PDZD2: variants seen among roughly 807,000 people sequenced by gnomAD.
PDZD2 encodes the protein PDZ domain containing 2.
PDZD2 carries 90 observed loss-of-function variants against 220.7 expected under a neutral mutation model. The observed-to-expected ratio is 0.41, with a 90% CI of 0.34 to 0.49. The LOEUF is 0.49. Ranked by LOEUF, PDZD2 falls within the 20% of genes least tolerant of loss-of-function variation. PDZD2 has a pLI of 0.28. For synonymous variants in PDZD2, 1,375 were observed against 1,450.5 expected (o/e 0.95, Z 1.18); for missense variants, 3,174 against 3,608.5 (o/e 0.88, Z 3.08).
At chr5:31,773,827 G>A (rs1203723306) in intron 1 of PDZD2, among the ~76,000 whole-genome samples, 2 of 152,134 alleles carry the variant, frequency 1.3e-5, no homozygotes, top group African/African-American at 2.4e-5. Flanking sequence ...CTGGGACCGT[G>A]TTTACATATT....
At chr5:31,642,156 A>G (rs1244545478) in intron 1 of PDZD2, among the ~76,000 whole-genome samples, 3 of 152,218 alleles carry the variant, frequency 2.0e-5, no homozygotes, top group African/African-American at 7.2e-5. Context: ...ACAAGGGGAC[A>G]AATTCCAAAG....
At position 32,002,895 on chromosome 5, in the gene PDZD2, A is replaced by ACACACACAC. The variant is rs1299444374; in HGVS notation, c.1254+2631_1254+2632insACCACACAC. Among the ~76,000 whole-genome samples the ACACACACAC allele has an allele frequency of 7.0e-3, 12 of 1,726 alleles. 1 individual carries two copies. In the South Asian group the frequency reaches 0.19, roughly 28 times the overall value. 1.1% of individuals were successfully genotyped at this position (1,726 alleles called of 152,430 possible). On this transcript the variant is annotated intron_variant, in intron 5 of 24. Coordinates refer to ENST00000438447, the MANE Select transcript of PDZD2 (RefSeq NM_178140.4). ...TACCACACACACACCACACACACCAACACACACCCCCACCACACACACACC... is the reference window on the plus strand; with the variant it reads ...TACCACACACACACCACACACACCAACACACACACCACACACCCCCACCACACACACACC...
At chr5:31,872,889 A>G (rs1259043692) in intron 2 of PDZD2, among the ~76,000 whole-genome samples, 1 of 152,196 alleles carries the variant, frequency 6.6e-6, no homozygotes, top group Non-Finnish European at 1.5e-5. Context: ...ATACAAAAAA[A>G]CCTGCTAATG....
intron 2 of PDZD2, among the ~76,000 whole-genome samples, chr5:31,959,430 C>T (rs1354786057): frequency 6.6e-6 from 1 of 151,928 alleles, no homozygotes; most frequent in East Asian, 1.9e-4. Flanking sequence ...ATGATCTCAG[C>T]TCACTGCAAC....
At chr5:31,681,650 T>C (rs1285428344) in intron 1 of PDZD2, among the ~76,000 whole-genome samples, 1 of 152,150 alleles carries the variant, frequency 6.6e-6, no homozygotes, top group African/African-American at 2.4e-5. Context: ...TCTCCTACCA[T>C]ATTGGATCAC....
intron 2 of PDZD2, among the ~76,000 whole-genome samples, chr5:31,857,397 C>G (rs1317388927): frequency 6.6e-6 from 1 of 152,078 alleles, no homozygotes; most frequent in Non-Finnish European, 1.5e-5. Context: ...CTTCCTTTTT[C>G]TTTACATTCT....
At chr5:31,975,804 T>TTTTTTTC (rs1749706270) in intron 2 of PDZD2, among the ~76,000 whole-genome samples, 1 of 26,778 alleles carries the variant, frequency 3.7e-5, no homozygotes, top group African/African-American at 1.4e-4. Flanking sequence ...TTTTTTTTTA[T>TTTTTTTC]TTATTTTTTT....
rs150149664 is a variant in PDZD2, at chr5:31,756,427, A to G, written c.-360-42462A>G. 3.7e-3 allele frequency among the ~76,000 whole-genome samples: 562 copies of G among 152,310 alleles called. 3 individuals are homozygous for G. The highest frequency in any genetic ancestry group is 5.4e-3 in the Non-Finnish European group (368 of 68,026). On this transcript the variant is annotated intron_variant, in intron 1 of 24. Coordinates refer to ENST00000438447, the MANE Select transcript of PDZD2 (RefSeq NM_178140.4). ...ATTCATATTTGTGAGTAATTAAATA[A>G]AAGGAAGGGATAGAGGAGCTTGGCA...
intron 1 of PDZD2, among the ~76,000 whole-genome samples, chr5:31,783,250 G>A (rs548886980): frequency 2.0e-5 from 3 of 151,900 alleles, no homozygotes. Flanking sequence ...GCATGCACGC[G>A]TCTTTCTTTC....
intron 24 of PDZD2, among the ~76,000 whole-genome samples, chr5:32,105,215 GAA>G (rs1416073396): frequency 1.3e-5 from 2 of 152,126 alleles, no homozygotes; most frequent in East Asian, 3.8e-4. Flanking sequence ...ATACAAGAGA[GAA>G]AGTTTGGGTA....
rs1389387628 is a variant in PDZD2 at position 32,089,215 on chromosome 5, T to G, written c.5767T>G (p.Ser1923Ala). Reference protein sequence around the residue: ...HRKPLISPQTSHKTLSKAVSQ... With the variant: ...HRKPLISPQTAHKTLSKAVSQ... ...GAAACCCTTGATCTCACCCCAGACC[T>G]CCCACAAAACACTTTCTAAGGCAGT... is the stretch of plus-strand genomic sequence containing the variant. The change falls in exon 20 of 25, where the codon TCC becomes GCC. Residue 1923 changes from serine to alanine, a missense_variant. Ser to Ala is a moderately conservative substitution (Grantham distance 99). This residue lies in a region of PDZD2 where 1,861 missense variants were observed against 2,001.0 expected (regional missense o/e 0.93). Transcript: ENST00000438447. The G allele has an allele frequency of 4.3e-6, 7 of 1,613,932 alleles. No homozygotes were observed. In the African/African-American group the frequency reaches 9.3e-5, roughly 22 times the overall value.
In PDZD2 at chr5:31,663,725, G is replaced by A. The variant is rs528027376; in HGVS notation, c.-361+24288G>A. Among the ~76,000 whole-genome samples, 67 of 152,292 alleles carry A rather than the reference G, an allele frequency of 4.4e-4. 1 individual carries two copies. The highest frequency in any genetic ancestry group is 3.9e-4 in the East Asian group (2 of 5,182). On this transcript the variant is annotated intron_variant, in intron 1 of 24. Coordinates refer to ENST00000438447, the MANE Select transcript of PDZD2 (RefSeq NM_178140.4). ...TCTTTTGCGGTATTTGGCTCCGTGT[G>A]ATACCCATGCTGGGGAACAGAACCT...
chr5:31,673,278 C>T (rs980266577), intron 1 of PDZD2, among the ~76,000 whole-genome samples: 8 of 152,192 alleles, frequency 5.3e-5, no homozygotes, highest in African/African-American at 1.9e-4. Flanking sequence ...CTGCACAATA[C>T]AGAGTGAGTA....
intron 1 of PDZD2, among the ~76,000 whole-genome samples, chr5:31,724,485 C>T (rs1749000895): frequency 6.6e-6 from 1 of 151,878 alleles, no homozygotes. Context: ...ACCTGTAATC[C>T]CAGCTACTCT....
At chr5:31,982,211 C>A (rs967657145) in intron 2 of PDZD2, among the ~76,000 whole-genome samples, 2 of 152,234 alleles carry the variant, frequency 1.3e-5, no homozygotes, top group African/African-American at 4.8e-5. Flanking sequence ...GTGCTGTGAT[C>A]AGCCTAAACT....
chr5:32,003,600 C>T (rs536463333), intron 5 of PDZD2, among the ~76,000 whole-genome samples: 1 of 152,292 alleles, frequency 6.6e-6, no homozygotes, highest in Non-Finnish European at 1.5e-5. Context: ...TCCTCAAAAT[C>T]GTGTGCTGAA....
At chr5:31,745,284 C>T (rs1750528643) in intron 1 of PDZD2, among the ~76,000 whole-genome samples, 1 of 152,104 alleles carries the variant, frequency 6.6e-6, no homozygotes, top group African/African-American at 2.4e-5. Flanking sequence ...AATAACACCA[C>T]CATCCAGATA....
chr5:31,913,573 T>C (rs1424846186), intron 2 of PDZD2, among the ~76,000 whole-genome samples: 1 of 152,158 alleles, frequency 6.6e-6, no homozygotes, highest in African/African-American at 2.4e-5. Flanking sequence ...TTCTGGGCAT[T>C]TCTAGAAGCC....
intron 18 of PDZD2, among the ~76,000 whole-genome samples, chr5:32,076,400 C>CTAA (rs1443335340): frequency 1.3e-5 from 2 of 149,936 alleles, no homozygotes; most frequent in Admixed American, 6.7e-5. Context: ...TTTTGTAATT[C>CTAA]TAAGTTAATA....
Sources: gnomAD v4.1 joint callset for allele counts (sites outside exome capture counted in the v4.1 genomes callset) on GRCh38, gnomAD v4.1.1 for gene constraint, gnomAD v4.1.1 regional missense constraint, MANE v1.5 for transcripts, NCBI Gene and HGNC (gene_info 2026-07-23, HGNC 2026-07-21) for gene names.